Variants in CNTNAP4 observed in about 807,000 individuals in gnomAD.
CNTNAP4 encodes the protein contactin-associated protein-like 4.
A neutral mutation model predicts 148.4 loss-of-function variants in CNTNAP4; 98 were observed. The observed-to-expected ratio is 0.66, with a 90% CI of 0.56 to 0.78. CNTNAP4 has a LOEUF of 0.78. CNTNAP4 is among the 30% of genes least tolerant of loss of function. CNTNAP4 has a pLI of 0.00. For missense variants in CNTNAP4, 1,935 were observed against 1,565.6 expected, an observed-to-expected ratio of 1.24 and a Z score of -3.98; for synonymous variants, 730 against 565.1, an observed-to-expected ratio of 1.29 and a Z score of -4.14.
At chr16:76,300,956 C>G in intron 1 of CNTNAP4, among the ~76,000 whole-genome samples, 1 of 150,398 alleles carries the variant, frequency 6.6e-6, no homozygotes, top group Non-Finnish European at 1.5e-5. Flanking sequence ...TATTATTATA[C>G]TTTAAGTTTT....
At chr16:76,459,684 G>GA (rs1257174892) in intron 8 of CNTNAP4, among the ~76,000 whole-genome samples, 6 of 152,118 alleles carry the variant, frequency 3.9e-5, no homozygotes, top group African/African-American at 1.4e-4. Context: ...TGCAATATCA[G>GA]AAAAAAGGCT....
intron 15 of CNTNAP4, among the ~76,000 whole-genome samples, chr16:76,513,634 G>A (rs1353192585): frequency 6.6e-6 from 1 of 152,100 alleles, no homozygotes; most frequent in African/African-American, 2.4e-5. Context: ...CAACATGCCA[G>A]ATTACAAATG....
chr16:76,456,788 C>T (rs1362228548), intron 8 of CNTNAP4, among the ~76,000 whole-genome samples: 2 of 152,120 alleles, frequency 1.3e-5, no homozygotes, highest in Non-Finnish European at 2.9e-5. Flanking sequence ...AAGGCAGACA[C>T]CTGTCTTGCA....
intron 3 of CNTNAP4, among the ~76,000 whole-genome samples, chr16:76,420,863 A>T (rs1403343369): frequency 6.6e-6 from 1 of 152,040 alleles, no homozygotes; most frequent in African/African-American, 2.4e-5. Flanking sequence ...TTATTCCAAA[A>T]GGAGGGTTCA....
intron 2 of CNTNAP4, among the ~76,000 whole-genome samples, chr16:76,345,390 G>A (rs1238756048): frequency 1.3e-5 from 2 of 152,210 alleles, no homozygotes; most frequent in African/African-American, 4.8e-5. Context: ...ACAAAACAGT[G>A]ATTTCCTGTC....
intron 3 of CNTNAP4, among the ~76,000 whole-genome samples, chr16:76,367,228 C>T (rs902158283): frequency 6.6e-6 from 1 of 151,564 alleles, no homozygotes; most frequent in African/African-American, 2.4e-5. Flanking sequence ...AAATCATAGC[C>T]TTCTAGAAAA....
At chr16:76,327,287 C>G (rs1034628788) in intron 2 of CNTNAP4, among the ~76,000 whole-genome samples, 1 of 152,160 alleles carries the variant, frequency 6.6e-6, no homozygotes, top group Non-Finnish European at 1.5e-5. Flanking sequence ...CTCCCACTTA[C>G]AAGATAACAT....
chr16:76,343,068 A>G (rs1964614161), intron 2 of CNTNAP4, among the ~76,000 whole-genome samples: 1 of 151,748 alleles, frequency 6.6e-6, no homozygotes, highest in Non-Finnish European at 1.5e-5. Context: ...TGCCAGAAGC[A>G]ATTTGAAATT....
chr16:76,371,198 A>G (rs964606732), intron 3 of CNTNAP4, among the ~76,000 whole-genome samples: 2 of 152,244 alleles, frequency 1.3e-5, no homozygotes, highest in African/African-American at 4.8e-5. Context: ...ATGATCAAAC[A>G]TCAAACATCT....
chr16:76,364,822 G>A (rs188331144), intron 3 of CNTNAP4, among the ~76,000 whole-genome samples: 2 of 152,206 alleles, frequency 1.3e-5, no homozygotes, highest in East Asian at 3.9e-4. Flanking sequence ...TATTCTGTAG[G>A]TTGCCTGTTC....
At chr16:76,317,028 G>C (rs180889821) in intron 2 of CNTNAP4, among the ~76,000 whole-genome samples, 42 of 152,050 alleles carry the variant, frequency 2.8e-4, no homozygotes, top group African/African-American at 9.9e-4. Context: ...CACTTTAGGA[G>C]GCTGAGGTGG....
At chr16:76,374,790 A>C (rs2015245968) in intron 3 of CNTNAP4, among the ~76,000 whole-genome samples, 1 of 134,636 alleles carries the variant, frequency 7.4e-6, no homozygotes, top group South Asian at 2.4e-4. Flanking sequence ...ATTATTTGAG[A>C]GAAGTCTCGC....
intron 1 of CNTNAP4, among the ~76,000 whole-genome samples, chr16:76,279,389 C>T (rs1222112406): frequency 6.6e-6 from 1 of 152,138 alleles, no homozygotes; most frequent in Non-Finnish European, 1.5e-5. Context: ...TTTCTTGAAG[C>T]TCAATAAAAA....
chr16:76,532,284 G>A (rs2084017912), intron 17 of CNTNAP4, among the ~76,000 whole-genome samples: 1 of 152,284 alleles, frequency 6.6e-6, no homozygotes, highest in East Asian at 1.9e-4. Context: ...GGAATGGAAG[G>A]CTATCTGTGG....
intron 4 of CNTNAP4, among the ~76,000 whole-genome samples, chr16:76,430,064 T>G (rs542457998): frequency 6.6e-6 from 1 of 152,312 alleles, no homozygotes; most frequent in East Asian, 1.9e-4. Context: ...CTTATGGGAA[T>G]GTATTTGATC....
In CNTNAP4 at chr16:76,550,068, A is replaced by G. The variant is rs890005804; in HGVS notation, c.3443-3215A>G. Among the ~76,000 whole-genome samples the G allele has an allele frequency of 3.9e-5, 6 of 152,336 alleles. No homozygotes were observed. The East Asian group carries it at 1.2e-3, about 29-fold the overall frequency. On this transcript the variant is annotated intron_variant, in intron 21 of 23. Coordinates refer to ENST00000611870, the MANE Select transcript of CNTNAP4 (RefSeq NM_033401.5). ...ACAAATTTTGAAAAAGAAGTAATAC[A>G]GCCAGAAGATGCTGGAATAATATCC...
chr16:76,455,821 G>A (rs1263531273), intron 8 of CNTNAP4, among the ~76,000 whole-genome samples: 1 of 152,090 alleles, frequency 6.6e-6, no homozygotes, highest in Non-Finnish European at 1.5e-5. Flanking sequence ...CTTATACATT[G>A]TGCACTACAG....
At position 76,540,774 on chromosome 16, in the gene CNTNAP4, A is replaced by G; in HGVS notation, c.3426A>G (p.Val1142=). The change falls in exon 21 of 24, where the codon GTA becomes GTG. Residue 1142 remains valine (V), a synonymous_variant. Transcript: ENST00000611870. Reference sequence around the variant, plus strand: ...AATTCAGTGCAGTCAAATCTCTGGTATTGGGCAGGATTTTAGGTAAGTGAA... The same window carrying G: ...AATTCAGTGCAGTCAAATCTCTGGTGTTGGGCAGGATTTTAGGTAAGTGAA... The part of the protein sequence containing the change: ...GTEFSAVKSL[V]LGRILEHSDV... The G allele has an allele frequency of 5.7e-6, 9 of 1,567,034 alleles. No individual in the cohort carries two copies. Among genetic ancestry groups the G allele is most frequent in the Non-Finnish European group, 7.8e-6 (9 of 1,153,576 alleles).
chr16:76,294,781 T>A (rs1488651183), intron 1 of CNTNAP4, among the ~76,000 whole-genome samples: 1 of 152,214 alleles, frequency 6.6e-6, no homozygotes, highest in East Asian at 1.9e-4. Context: ...AGCCTCCACA[T>A]TGTGGTACCT....
Sources: allele counts gnomAD v4.1 joint callset (sites outside exome capture counted in the v4.1 genomes callset), GRCh38; gene constraint gnomAD v4.1.1; transcripts MANE v1.5; gene names NCBI Gene and HGNC (gene_info 2026-07-23, HGNC 2026-07-21).